MAP3K8: variants seen among roughly 807,000 people sequenced by gnomAD.
MAP3K8 encodes the protein Ewing sarcoma transformant.
In MAP3K8, 22 loss-of-function variants were observed where a neutral mutation model predicts 45.8. The observed-to-expected ratio is 0.48, with a 90% CI of 0.34 to 0.69. MAP3K8 has a LOEUF of 0.69. MAP3K8 is among the 30% of genes least tolerant of loss of function. The probability of loss-of-function intolerance (pLI) is 0.01; values close to 1 mark genes in which losing one functional copy is unlikely to be tolerated. For synonymous variants in MAP3K8, 223 were observed against 214.3 expected, an observed-to-expected ratio of 1.04 and a Z score of -0.36; for missense variants, 419 against 585.0, an observed-to-expected ratio of 0.72 and a Z score of 2.93.
At chr10:30,448,787 T>C (rs1836434077) in intron 4 of MAP3K8, among the ~76,000 whole-genome samples, 1 of 152,134 alleles carries the variant, frequency 6.6e-6, no homozygotes, top group Non-Finnish European at 1.5e-5. Flanking sequence ...TGGAAAACTG[T>C]ATCTACATAA....
chr10:30,445,894 G>A (rs1836311289), intron 3 of MAP3K8, among the ~76,000 whole-genome samples: 1 of 152,208 alleles, frequency 6.6e-6, no homozygotes, highest in African/African-American at 2.4e-5. Context: ...AATTAGCAGT[G>A]GTGGAGCTGA....
chr10:30,441,432 T>G (rs1370103522), intron 3 of MAP3K8, among the ~76,000 whole-genome samples: 1 of 152,162 alleles, frequency 6.6e-6, no homozygotes, highest in Non-Finnish European at 1.5e-5. Flanking sequence ...GTGGGGATTA[T>G]AGGCGTGAGC....
At chr10:30,450,165 A>G in intron 4 of MAP3K8, 93 bp from the exon 5 acceptor site, 1 of 1,233,388 alleles carries the variant, frequency 8.1e-7, no homozygotes, top group Non-Finnish European at 1.1e-6. Flanking sequence ...GAGGGCATTT[A>G]TTTGCCTTTT....
intron 5 of MAP3K8, among the ~76,000 whole-genome samples, chr10:30,451,403 A>G (rs1428294268): frequency 6.6e-6 from 1 of 152,236 alleles, no homozygotes; most frequent in Non-Finnish European, 1.5e-5. Context: ...CTTGAACATT[A>G]TTAATGGCTA....
At chr10:30,447,159 C>T (rs905731097) in intron 3 of MAP3K8, among the ~76,000 whole-genome samples, 8 of 152,182 alleles carry the variant, frequency 5.3e-5, no homozygotes, top group South Asian at 2.1e-4. Context: ...TGGCTGCCTC[C>T]GCAGCACCAA....
intron 7 of MAP3K8, 105 bp downstream of exon 7, chr10:30,458,341 G>C (rs1836821582): frequency 1.5e-6 from 1 of 671,952 alleles, no homozygotes; most frequent in South Asian, 4.4e-5. Flanking sequence ...ACCCCCATCT[G>C]AATGAGGCAA....
In MAP3K8 at chr10:30,439,014, G is replaced by A. The variant is rs747361922; in HGVS notation, c.76G>A (p.Val26Ile). The A allele has an allele frequency of 1.2e-6, 2 of 1,610,334 alleles. No individual in the cohort carries two copies. The highest frequency in any genetic ancestry group is 1.7e-5 in the Admixed American group (1 of 60,026). ...AATTAAACATTTAAATGTGTCTGAT[G>A]TAATAGACATTATGGAAAATCTTTA... ...LLIKHLNVSD[V>I]IDIMENLYAS... The change falls in exon 3 of 9, where the codon GTA becomes ATA. Residue 26 changes from valine (V) to isoleucine (I), a missense_variant. By Grantham distance (29) the Val-to-Ile change is conservative. Around this residue, in one of 3 missense-constraint regions of MAP3K8, gnomAD observed 102 missense variants for 93.5 expected, o/e 1.09. Transcript: ENST00000263056.
At chr10:30,441,664 G>A (rs912934169) in intron 3 of MAP3K8, among the ~76,000 whole-genome samples, 1 of 152,100 alleles carries the variant, frequency 6.6e-6, no homozygotes, top group African/African-American at 2.4e-5. Flanking sequence ...CGATGGCTCT[G>A]GGGGGCTGCG....
chr10:30,447,948 T>G lies in MAP3K8; in HGVS notation c.503T>G (p.Leu168Arg). 6.2e-7 allele frequency: 1 copy of G among 1,602,114 alleles called. No individual in the cohort carries two copies. The highest frequency in any genetic ancestry group is 8.5e-7 in the Non-Finnish European group (1 of 1,176,668). Residue 168 changes from leucine to arginine, a missense_variant and splice_region_variant, in exon 4 of 9, where the codon CTG (leucine) becomes CGG (arginine). Physicochemically the swap from Leu to Arg is moderately radical, Grantham distance 102. Coordinates refer to ENST00000263056, the MANE Select transcript of MAP3K8 (RefSeq NM_005204.4). Reference sequence around the variant, plus strand: ...ACGAAGAAAAGAATGGCGTGTAAACTGGTATGTGTTTTCTACCTAGATAAC... The same window carrying G: ...ACGAAGAAAAGAATGGCGTGTAAACGGGTATGTGTTTTCTACCTAGATAAC... Reference protein sequence around the residue: ...IKTKKRMACKLIPVDQFKPSD... With the variant: ...IKTKKRMACKRIPVDQFKPSD...
chr10:30,439,068 C>T lies in MAP3K8; in HGVS notation c.130C>T (p.Pro44Ser). The T allele has an allele frequency of 1.2e-6, 2 of 1,614,162 alleles. No individual in the cohort carries two copies. The highest frequency in any genetic ancestry group is 1.7e-6 in the Non-Finnish European group (2 of 1,180,022). The change falls in exon 3 of 9, where the codon CCC (proline) becomes TCC (serine). Residue 44 changes from proline (P) to serine (S), a missense_variant. Around this residue, in one of 3 missense-constraint regions of MAP3K8, gnomAD observed 102 missense variants for 93.5 expected, o/e 1.09. Transcript: ENST00000263056. ...YASEEPAVYE[P>S]SLMTMCQDSN... is the part of the protein sequence containing the mutation. Reference sequence around the variant, plus strand: ...AAGTGAAGAGCCAGCAGTTTATGAACCCAGTCTAATGACCATGTGTCAAGA... The same window carrying T: ...AAGTGAAGAGCCAGCAGTTTATGAATCCAGTCTAATGACCATGTGTCAAGA...
At chr10:30,439,304 A>G (rs776551456) in intron 3 of MAP3K8, 30 bp downstream of exon 3, 18 of 1,611,242 alleles carry the variant, frequency 1.1e-5, no homozygotes, top group Admixed American at 3.3e-5. Flanking sequence ...GTTGGGTGCT[A>G]TGTGCTCAGC....
intron 3 of MAP3K8, 174 bp downstream of exon 3, chr10:30,439,448 C>A: frequency 8.1e-7 from 1 of 1,241,112 alleles, no homozygotes; most frequent in Non-Finnish European, 1.1e-6. Flanking sequence ...AAAAAGTCTT[C>A]ATTAAAATTT....
rs1200373560 is a variant in MAP3K8 at position 30,451,625 on chromosome 10, C to T, written c.767-13C>T. Reference sequence around the variant, plus strand: ...AAAAAATTTTATCTTAAAAATATTTCCTCTCATTTTAGCTAGCAACATTGT... The same window carrying T: ...AAAAAATTTTATCTTAAAAATATTTTCTCTCATTTTAGCTAGCAACATTGT... On this transcript the variant is annotated splice_polypyrimidine_tract_variant and intron_variant, in intron 5 of 8. Transcript: ENST00000263056. 5.5e-6 allele frequency: 8 copies of T among 1,452,426 alleles called. No individual in the cohort carries two copies. In the African/African-American group the frequency reaches 7.1e-5, roughly 13 times the overall value. The allele number at this position is 1,452,426 out of a possible 1,614,324, so 90.0% of individuals were successfully genotyped here. A position where few individuals can be genotyped will look rare whatever the true frequency, so the allele number is the denominator to read the frequency against.
chr10:30,456,321 A>G (rs899941357), intron 6 of MAP3K8, among the ~76,000 whole-genome samples: 1 of 152,204 alleles, frequency 6.6e-6, no homozygotes, highest in Non-Finnish European at 1.5e-5. Flanking sequence ...TATATTTAGT[A>G]GCAAAGTCCT....
Position 30,459,488 on chromosome 10 carries a change from T to G in MAP3K8, c.1260T>G (p.Pro420=). ...RLLSRKELEL[P]ENIADSSCTG... is the part of the protein sequence containing the mutation. ...TGAGTAGGAAGGAGCTGGAACTTCCTGAGAACATTGCTGGTAGGGACACCC... is the reference window on the plus strand; with the variant it reads ...TGAGTAGGAAGGAGCTGGAACTTCCGGAGAACATTGCTGGTAGGGACACCC... Residue 420 remains proline, a synonymous_variant, in exon 8 of 9, where the codon CCT becomes CCG. Transcript: ENST00000263056. 1 of 1,613,790 alleles carries G rather than the reference T, an allele frequency of 6.2e-7. No individual in the cohort carries two copies. The highest frequency in any genetic ancestry group is 1.7e-5 in the Admixed American group (1 of 60,012).
At chr10:30,449,909 A>G (rs943056806) in intron 4 of MAP3K8, among the ~76,000 whole-genome samples, 1 of 152,228 alleles carries the variant, frequency 6.6e-6, no homozygotes, top group Non-Finnish European at 1.5e-5. Flanking sequence ...AATACAACCT[A>G]AACTCAAGGT....
rs1026679038 is a variant in MAP3K8 at position 30,439,717 on chromosome 10, G to A, written c.336+443G>A. Reference sequence around the variant, plus strand: ...CCAGCTACCTGGGAGGCTGAGGCACGAGAATCCCTTGAACCTGGGAGGTGG... The same window carrying A: ...CCAGCTACCTGGGAGGCTGAGGCACAAGAATCCCTTGAACCTGGGAGGTGG... On this transcript the variant is annotated intron_variant, in intron 3 of 8. Coordinates refer to ENST00000263056, the MANE Select transcript of MAP3K8 (RefSeq NM_005204.4). Among the ~76,000 whole-genome samples the A allele has an allele frequency of 3.3e-5, 5 of 152,232 alleles. No homozygotes were observed. In the East Asian group the frequency reaches 5.8e-4, roughly 18 times the overall value.
intron 4 of MAP3K8, among the ~76,000 whole-genome samples, chr10:30,448,673 T>C (rs1439154969): frequency 1.3e-5 from 2 of 152,076 alleles, no homozygotes; most frequent in African/African-American, 2.4e-5. Context: ...CTACAAGTGA[T>C]CCACCTGCCT....
At chr10:30,452,308 A>G (rs1050342798) in intron 6 of MAP3K8, among the ~76,000 whole-genome samples, 1 of 152,072 alleles carries the variant, frequency 6.6e-6, no homozygotes, top group African/African-American at 2.4e-5. Context: ...CGTCTCTACT[A>G]AAAATACAAA....
Sources: gnomAD v4.1 joint callset for allele counts (sites outside exome capture counted in the v4.1 genomes callset) on GRCh38, gnomAD v4.1.1 for gene constraint, gnomAD v4.1.1 regional missense constraint, MANE v1.5 for transcripts, NCBI Gene and HGNC (gene_info 2026-07-23, HGNC 2026-07-21) for gene names.